Variants in SOX5 observed in about 807,000 individuals in gnomAD.
SOX5 encodes SRY-box transcription factor 5.
Under a neutral mutation model 92.0 loss-of-function variants are expected in SOX5, and 9 were observed. The observed-to-expected ratio is 0.10, with a 90% CI of 0.06 to 0.17. The LOEUF (loss-of-function observed/expected upper bound fraction) is 0.17, where lower values mean the gene tolerates loss of function less well. SOX5 is among the 10% of genes least tolerant of loss of function. SOX5 has a pLI of 1.00. For missense variants in SOX5, 642 were observed against 944.5 expected (o/e 0.68, Z 4.20); for synonymous variants, 344 against 336.3 (o/e 1.02, Z -0.25).
At chr12:24,342,755 C>T (rs903104482) in intron 2 of SOX5, among the ~76,000 whole-genome samples, 2 of 152,180 alleles carry the variant, frequency 1.3e-5, no homozygotes, top group African/African-American at 4.8e-5. Context: ...ACAATGCAAC[C>T]AGAGTGATCT....
Position 23,817,254 on chromosome 12 carries a change from T to C in SOX5, c.481+28729A>G, listed in dbSNP as rs2096012883. Among the ~76,000 whole-genome samples, 3 of 152,210 alleles carry C rather than the reference T, an allele frequency of 2.0e-5. No homozygotes were observed. In the South Asian group the frequency reaches 6.2e-4, roughly 31 times the overall value. ...ATTAAGGTTAGGTACCCATTATTAT[T>C]ATTCTTATCATAATCTTGACTCAAC... On this transcript the variant is annotated intron_variant, in intron 3 of 14. Transcript: ENST00000451604.
intron 7 of SOX5, among the ~76,000 whole-genome samples, chr12:23,657,988 CTT>C (rs1037231012): frequency 4.6e-5 from 7 of 152,042 alleles, no homozygotes; most frequent in Non-Finnish European, 7.4e-5. Context: ...AAGAAAGAGT[CTT>C]TGCTTTTTTG....
chr12:23,970,841 A>ATATATATTTTTTTTTTTTTTTTTTTT lies in SOX5; in HGVS notation c.-1-74818_-1-74817insAAAAAAAAAAAAAAAAAAAATATATA. ...ACATGGGACTTTATATATATATATA[A>ATATATATTTTTTTTTTTTTTTTTTTT]TTTTTTTTTTTTTTTAAGAAATGGG... On this transcript the variant is annotated intron_variant, in intron 4 of 4. Coordinates refer to the SOX5 transcript ENST00000446891. Among the ~76,000 whole-genome samples the ATATATATTTTTTTTTTTTTTTTTTTT allele has an allele frequency of 1.4e-4, 3 of 21,884 alleles. 1 individual carries two copies. Among genetic ancestry groups the ATATATATTTTTTTTTTTTTTTTTTTT allele is most frequent in the Non-Finnish European group, 3.1e-4 (3 of 9,706 alleles). The allele number at this position is 21,884 out of a possible 152,430, so 14.4% of individuals were successfully genotyped here.
In SOX5 at chr12:24,013,038, C is replaced by T. The variant is rs140629768; in HGVS notation, c.-1-117014G>A. 3.4e-4 allele frequency among the ~76,000 whole-genome samples: 52 copies of T among 152,080 alleles called. No homozygotes were observed. In the East Asian group the frequency reaches 9.5e-3, roughly 28 times the overall value. ...AAAATTGTGTCTTATCCAACATGAACAAAAAAAGTTTCTGCACATACGAAA... is the reference window on the plus strand; with the variant it reads ...AAAATTGTGTCTTATCCAACATGAATAAAAAAAGTTTCTGCACATACGAAA... On this transcript the variant is annotated intron_variant, in intron 4 of 4. Transcript: ENST00000446891.
chr12:23,901,398 G>A (rs2097231086), intron 1 of SOX5, among the ~76,000 whole-genome samples: 1 of 152,132 alleles, frequency 6.6e-6, no homozygotes, highest in Admixed American at 6.5e-5. Context: ...CACTATATTT[G>A]TGATGATTTG....
intron 10 of SOX5, among the ~76,000 whole-genome samples, chr12:23,568,203 G>A (rs1947490564): frequency 6.6e-6 from 1 of 152,128 alleles, no homozygotes; most frequent in South Asian, 2.1e-4. Flanking sequence ...GAATATGCAG[G>A]CAGAGATTGG....
At chr12:24,124,423 A>G (rs1451233723) in intron 4 of SOX5, among the ~76,000 whole-genome samples, 1 of 152,204 alleles carries the variant, frequency 6.6e-6, no homozygotes, top group African/African-American at 2.4e-5. Context: ...GAGGGTGAAA[A>G]GTCAAATGCT....
At chr12:24,493,977 T>A (rs1947357955) in intron 1 of SOX5, among the ~76,000 whole-genome samples, 1 of 152,172 alleles carries the variant, frequency 6.6e-6, no homozygotes, top group Non-Finnish European at 1.5e-5. Context: ...CATCAATTGA[T>A]CACTTCCTCA....
intron 6 of SOX5, among the ~76,000 whole-genome samples, chr12:23,709,075 T>C (rs2091770861): frequency 6.6e-6 from 1 of 152,036 alleles, no homozygotes; most frequent in African/African-American, 2.4e-5. Flanking sequence ...ACAAACAAAA[T>C]GGGTTCAGGG....
intron 4 of SOX5, among the ~76,000 whole-genome samples, chr12:23,963,778 A>AAAAC (rs1555453265): frequency 2.0e-5 from 3 of 151,502 alleles, no homozygotes; most frequent in African/African-American, 4.8e-5. Flanking sequence ...AAAAAAAAAA[A>AAAAC]AAAAACTGGA....
chr12:24,164,864 C>G (rs2139039369), intron 4 of SOX5, among the ~76,000 whole-genome samples: 1 of 151,958 alleles, frequency 6.6e-6, no homozygotes, highest in South Asian at 2.1e-4. Context: ...GACATATTTT[C>G]CTGTTATATT....
intron 4 of SOX5, among the ~76,000 whole-genome samples, chr12:24,095,261 A>G (rs1453213014): frequency 4.6e-5 from 7 of 151,952 alleles, no homozygotes; most frequent in Non-Finnish European, 1.0e-4. Context: ...AAAAAGAAGT[A>G]CAAATCCCCA....
At chr12:24,107,110 A>G (rs1254536982) in intron 4 of SOX5, among the ~76,000 whole-genome samples, 2 of 152,084 alleles carry the variant, frequency 1.3e-5, no homozygotes, top group Non-Finnish European at 2.9e-5. Flanking sequence ...TAAATCTGTT[A>G]CTACTGGATA....
intron 11 of SOX5, among the ~76,000 whole-genome samples, chr12:23,557,865 A>G (rs1461811535): frequency 6.6e-6 from 1 of 152,004 alleles, no homozygotes; most frequent in Non-Finnish European, 1.5e-5. Flanking sequence ...AGTCCCAGCT[A>G]CTAGCGAGGG....
At position 24,375,349 on chromosome 12, in the gene SOX5, T is replaced by C. The variant is rs80063365; in HGVS notation, c.-250-6710A>G. On this transcript the variant is annotated intron_variant, in intron 1 of 4. Transcript: ENST00000446891. ...CTGCTCCTGGGCCTGAACGGGGAAA[T>C]GGAAAAACTAATAAACAAAGAGGAT... Among the ~76,000 whole-genome samples, 47 of 152,130 alleles carry C rather than the reference T, an allele frequency of 3.1e-4. No individual in the cohort carries two copies. In the East Asian group the frequency reaches 8.5e-3, roughly 28 times the overall value.
chr12:24,159,614 T>C (rs1952545316), intron 4 of SOX5, among the ~76,000 whole-genome samples: 1 of 151,958 alleles, frequency 6.6e-6, no homozygotes, highest in Admixed American at 6.6e-5. Flanking sequence ...ACTGAACTCT[T>C]AACCATATAT....
chr12:23,675,370 C>A (rs915675739), intron 6 of SOX5, among the ~76,000 whole-genome samples: 1 of 152,138 alleles, frequency 6.6e-6, no homozygotes, highest in Non-Finnish European at 1.5e-5. Context: ...GAAAACTTCA[C>A]CTGACTTAGC....
chr12:23,802,965 A>G (rs1361625679), intron 3 of SOX5, among the ~76,000 whole-genome samples: 1 of 152,146 alleles, frequency 6.6e-6, no homozygotes, highest in Non-Finnish European at 1.5e-5. Flanking sequence ...ACATTCTCCA[A>G]CATTCCTAAA....
At chr12:23,954,411 T>A (rs1172255059), upstream of SOX5, among the ~76,000 whole-genome samples, 1 of 151,606 alleles carries the variant, frequency 6.6e-6, no homozygotes, top group African/African-American at 2.4e-5. Flanking sequence ...TTATTTACTT[T>A]GTCACAAAAA....
Sources: allele counts gnomAD v4.1 joint callset (sites outside exome capture counted in the v4.1 genomes callset), GRCh38; gene constraint gnomAD v4.1.1; transcripts MANE v1.5; gene names NCBI Gene and HGNC (gene_info 2026-07-23, HGNC 2026-07-21).